MPP4: variants seen among roughly 807,000 people sequenced by gnomAD.
MPP4 encodes MAGUK p55 subfamily member 4.
A neutral mutation model predicts 98.3 loss-of-function variants in MPP4; 91 were observed. The observed-to-expected ratio is 0.93, with a 90% CI of 0.78 to 1.10. MPP4 has a LOEUF of 1.10. Among genes scored for constraint, MPP4 ranks in the 50% least tolerant of loss-of-function variants. The pLI is 0.00. For synonymous variants in MPP4, 261 were observed against 271.8 expected (o/e 0.96, Z 0.39); for missense variants, 744 against 792.9 (o/e 0.94, Z 0.74).
In MPP4 at chr2:201,645,221, C is replaced by T. The variant is rs770495309; in HGVS notation, c.1903G>A (p.Glu635Lys). The part of the protein sequence containing the change: ...VPATWISSDT[E>K]SQ ...TTAAACAAGAAGTCTCATTGAGACT[C>T]AGTATCTGAGGAAATCCATGTTGCT... The change falls in exon 22 of 22, where the codon GAG (glutamate) becomes AAG (lysine). Residue 635 changes from glutamate to lysine, a missense_variant. Glu to Lys is a moderately conservative substitution (Grantham distance 56). Transcript: ENST00000409474. 13 of 1,612,222 alleles carry T rather than the reference C, an allele frequency of 8.1e-6. No individual in the cohort carries two copies. The highest frequency in any genetic ancestry group is 1.1e-5 in the Non-Finnish European group (13 of 1,179,206).
chr2:201,645,797 C>T (rs1687545908), intron 21 of MPP4, among the ~76,000 whole-genome samples: 1 of 152,078 alleles, frequency 6.6e-6, no homozygotes, highest in African/African-American at 2.4e-5. Flanking sequence ...ACTATAGGCA[C>T]ATGCCATCAT....
At chr2:201,661,329 C>T (rs1024589191) in intron 14 of MPP4, 4 of 444,174 alleles carry the variant, frequency 9.0e-6, no homozygotes, top group Admixed American at 2.5e-5. Context: ...GACTACAGAC[C>T]GAAACTGAAG....
chr2:201,685,863 G>T, intron 6 of MPP4, 56 bp downstream of exon 6: 2 of 1,585,934 alleles, frequency 1.3e-6, no homozygotes, highest in Non-Finnish European at 1.7e-6. Flanking sequence ...ATATAATTTG[G>T]TTCACAATTA....
At chr2:201,693,767 C>A in intron 2 of MPP4, 109 bp downstream of exon 2, 1 of 1,336,132 alleles carries the variant, frequency 7.5e-7, no homozygotes, top group Non-Finnish European at 1.1e-6. Context: ...TGTACAAGAT[C>A]CTCATAGGGA....
intron 14 of MPP4, among the ~76,000 whole-genome samples, chr2:201,663,061 C>T (rs965309543): frequency 6.6e-6 from 1 of 152,090 alleles, no homozygotes; most frequent in Non-Finnish European, 1.5e-5. Context: ...CTAGCAATAT[C>T]GAATAAACAG....
chr2:201,688,218 C>T (rs193101943), intron 4 of MPP4, among the ~76,000 whole-genome samples: 41 of 152,058 alleles, frequency 2.7e-4, no homozygotes, highest in South Asian at 2.1e-4. Flanking sequence ...TTCATTCATT[C>T]GACAAATATT....
chr2:201,677,542 AC>A (rs35001769), intron 10 of MPP4, among the ~76,000 whole-genome samples: 19 of 151,660 alleles, frequency 1.3e-4, no homozygotes, highest in Middle Eastern at 3.2e-3. Flanking sequence ...CCAAAACAAA[AC>A]CCCCCCAGCT....
At chr2:201,694,469 G>A (rs988654465) in intron 1 of MPP4, among the ~76,000 whole-genome samples, 2 of 151,844 alleles carry the variant, frequency 1.3e-5, no homozygotes, top group Admixed American at 1.3e-4. Context: ...ACAGTTGCAA[G>A]AATTATGGGT....
In MPP4 at chr2:201,664,104, A is replaced by G. The variant is rs111736631; in HGVS notation, c.1052-3T>C. 114 of 1,504,830 alleles carry G rather than the reference A, an allele frequency of 7.6e-5. No homozygotes were observed. In the Admixed American group the frequency reaches 9.4e-4, roughly 12 times the overall value. The allele number at this position is 1,504,830 out of a possible 1,614,324, so 93.2% of individuals were successfully genotyped here. ...ACCAGATTCAAATGTTTCTTCATCTATGATTTTTCATGGAGGCAAAAATCA... is the reference window on the plus strand; with the variant it reads ...ACCAGATTCAAATGTTTCTTCATCTGTGATTTTTCATGGAGGCAAAAATCA... On this transcript the variant is annotated splice_polypyrimidine_tract_variant and splice_region_variant and intron_variant, in intron 13 of 21. Transcript: ENST00000409474.
chr2:201,664,494 G>T (rs765803861), intron 13 of MPP4, among the ~76,000 whole-genome samples: 20 of 151,738 alleles, frequency 1.3e-4, no homozygotes, highest in Admixed American at 5.2e-4. Flanking sequence ...GGTGCACCCT[G>T]CCTGAAGAGT....
chr2:201,686,251 A>G (rs1688828952), intron 5 of MPP4, among the ~76,000 whole-genome samples: 2 of 152,238 alleles, frequency 1.3e-5, no homozygotes, highest in Admixed American at 6.5e-5. Flanking sequence ...ATTGTCCTCA[A>G]TTTGCAGATA....
At chr2:201,673,778 C>T (rs1688413916) in intron 11 of MPP4, among the ~76,000 whole-genome samples, 1 of 152,162 alleles carries the variant, frequency 6.6e-6, no homozygotes, top group Non-Finnish European at 1.5e-5. Flanking sequence ...TAATTTTTGG[C>T]TTGGAGAAGG....
Position 201,690,208 on chromosome 2 carries a change from G to C in MPP4, c.273C>G (p.Ser91=). The change falls in exon 4 of 22, where the codon TCC becomes TCG. Residue 91 remains serine (S), a synonymous_variant. Coordinates refer to ENST00000409474, the MANE Select transcript of MPP4 (RefSeq NM_033066.3). ...VPATPHAQVL[S]YEVVELLRET... ...TGGAATAAAATCTCCTTACCTCATA[G>C]GATAACACCTGTGCATGTGGTGTGG... is the stretch of plus-strand genomic sequence containing the variant. 3 of 1,605,994 alleles carry C rather than the reference G, an allele frequency of 1.9e-6. No homozygotes were observed. Among genetic ancestry groups the C allele is most frequent in the Non-Finnish European group, 2.6e-6 (3 of 1,175,198 alleles).
chr2:201,657,351 T>C (rs984732710), intron 16 of MPP4, among the ~76,000 whole-genome samples: 1 of 152,230 alleles, frequency 6.6e-6, no homozygotes. Context: ...TTTCGAATCA[T>C]AGGGCTTTCT....
At chr2:201,695,240 G>A (rs558071686) in intron 1 of MPP4, among the ~76,000 whole-genome samples, 4 of 152,192 alleles carry the variant, frequency 2.6e-5, no homozygotes, top group Non-Finnish European at 2.9e-5. Context: ...CAGTCATCAC[G>A]CCTACATTTC....
Position 201,660,345 on chromosome 2 carries a change from C to T in MPP4, c.1074G>A (p.Glu358=). Residue 358 remains glutamate (E), a splice_region_variant and synonymous_variant, in exon 15 of 22, where the codon GAG becomes GAA. Transcript: ENST00000409474. ...AAAAACAATTACCTTCTGAAAGTTC[C>T]TCTGGATATTTGGGTAAGTGCAGAA... ...VEADEETFES[E]ELSEDKEEFV... is the part of the protein sequence containing the mutation. 6 of 1,613,184 alleles carry T rather than the reference C, an allele frequency of 3.7e-6. 1 individual carries two copies. Among genetic ancestry groups the T allele is most frequent in the Non-Finnish European group, 5.1e-6 (6 of 1,179,218 alleles).
rs764824999 is a variant in MPP4, at chr2:201,680,947, C to T, written c.820G>A (p.Asp274Asn). The T allele has an allele frequency of 5.0e-6, 8 of 1,613,744 alleles. No homozygotes were observed. The South Asian group carries it at 7.7e-5, about 16-fold the overall frequency. Residue 274 changes from aspartate (D) to asparagine (N), a missense_variant, in exon 10 of 22, where the codon GAC becomes AAC. Transcript: ENST00000409474. Reference sequence around the variant, plus strand: ...TTCTGGTCCACAATCTGGAGGATGTCCCCCTTCTGGAAAGGCAATCCAGCG... The same window carrying T: ...TTCTGGTCCACAATCTGGAGGATGTTCCCCTTCTGGAAAGGCAATCCAGCG... ...MDAGLPFQKG[D>N]ILQIVDQNDA...
chr2:201,683,905 G>A (rs1688738765), intron 7 of MPP4, among the ~76,000 whole-genome samples: 1 of 152,060 alleles, frequency 6.6e-6, no homozygotes, highest in African/African-American at 2.4e-5. Context: ...TGTATAACAG[G>A]TATAGAACCA....
intron 1 of MPP4, chr2:201,698,214 T>C (rs1462058630): frequency 2.0e-6 from 1 of 504,140 alleles, no homozygotes; most frequent in East Asian, 1.5e-4. Context: ...ACTATGCTTG[T>C]TTTTCAAAAT....
Sources: allele counts gnomAD v4.1 joint callset (sites outside exome capture counted in the v4.1 genomes callset), GRCh38; gene constraint gnomAD v4.1.1; transcripts MANE v1.5; gene names NCBI Gene and HGNC (gene_info 2026-07-23, HGNC 2026-07-21).